The following DYNC1LI1 variants were observed in gnomAD, a reference collection of about 807,000 sequenced individuals.
DYNC1LI1 encodes the protein cytoplasmic dynein 1 light intermediate chain 1.
DYNC1LI1 carries 19 observed loss-of-function variants against 63.8 expected under a neutral mutation model. The observed-to-expected ratio is 0.30, with a 90% CI of 0.21 to 0.44. The LOEUF (loss-of-function observed/expected upper bound fraction) is 0.44. Among genes scored for constraint, DYNC1LI1 ranks in the 20% least tolerant of loss-of-function variants. The pLI is 1.00. For missense variants in DYNC1LI1, 565 were observed against 630.2 expected (o/e 0.90, Z 1.11); for synonymous variants, 225 against 232.3 (o/e 0.97, Z 0.28).
At chr3:32,537,983 ATATATATATAT>A (rs1697811746) in intron 5 of DYNC1LI1, among the ~76,000 whole-genome samples, 1 of 23,428 alleles carries the variant, frequency 4.3e-5, no homozygotes, top group African/African-American at 2.8e-4. Context: ...TTTATATATA[ATATATATATAT>A]AATTTATATA....
At chr3:32,562,108 T>C (rs1698202537) in intron 2 of DYNC1LI1, among the ~76,000 whole-genome samples, 1 of 151,788 alleles carries the variant, frequency 6.6e-6, no homozygotes, top group Admixed American at 6.6e-5. Context: ...CTCCCATCTC[T>C]CCAAAAAATA....
intron 2 of DYNC1LI1, 57 bp downstream of exon 2, chr3:32,570,289 C>T: frequency 5.0e-6 from 7 of 1,412,514 alleles, no homozygotes; most frequent in South Asian, 2.5e-5. Flanking sequence ...GCCCGCGGAC[C>T]AGGTACCCCG....
chr3:32,532,487 G>GTGTGTGTGTGTATATATATATATATA (rs369421174), intron 8 of DYNC1LI1: 43 of 125,366 alleles, frequency 3.4e-4, no homozygotes, highest in African/African-American at 1.2e-3. Context: ...AAAAATGTGT[G>GTGTGTGTGTGTATATATATATATATA]TATATATATA....
At chr3:32,546,844 A>AG (rs1697961546) in intron 2 of DYNC1LI1, among the ~76,000 whole-genome samples, 1 of 152,184 alleles carries the variant, frequency 6.6e-6, no homozygotes, top group Admixed American at 6.6e-5. Flanking sequence ...GAAAAAGTGT[A>AG]GGGGGGATGT....
At chr3:32,550,464 T>C (rs1698019960) in intron 2 of DYNC1LI1, among the ~76,000 whole-genome samples, 1 of 152,030 alleles carries the variant, frequency 6.6e-6, no homozygotes, top group South Asian at 2.1e-4. Flanking sequence ...AAACTGTCAA[T>C]CTAACTATAT....
chr3:32,530,599 T>G, intron 8 of DYNC1LI1, 79 bp from the exon 9 acceptor site: 1 of 1,280,390 alleles, frequency 7.8e-7, no homozygotes, highest in South Asian at 1.2e-5. Flanking sequence ...TAGATTGGAC[T>G]AATTAAAAAA....
At chr3:32,570,148 A>C in intron 2 of DYNC1LI1, 198 bp downstream of exon 2, 1 of 694,026 alleles carries the variant, frequency 1.4e-6, no homozygotes, top group Non-Finnish European at 2.6e-6. Context: ...AACCTGAGGG[A>C]GGGCGGGTCC....
chr3:32,570,600 G>C, intron 1 of DYNC1LI1, 25 bp downstream of exon 1: 2 of 1,552,104 alleles, frequency 1.3e-6, no homozygotes, highest in South Asian at 2.4e-5. Flanking sequence ...GCCAGCGGGG[G>C]CTGAGGGAGA....
chr3:32,567,724 G>A (rs545277656), intron 2 of DYNC1LI1, among the ~76,000 whole-genome samples: 1 of 132,412 alleles, frequency 7.6e-6, no homozygotes, highest in Admixed American at 7.8e-5. Flanking sequence ...TTTTTTTTGA[G>A]ACAGAGTCTC....
At chr3:32,543,555 T>G (rs1697911270) in intron 4 of DYNC1LI1, among the ~76,000 whole-genome samples, 1 of 150,448 alleles carries the variant, frequency 6.6e-6, no homozygotes, top group Admixed American at 6.6e-5. Flanking sequence ...CCCGCCACCA[T>G]GCTGGGCTAA....
At chr3:32,528,702 T>C in intron 11 of DYNC1LI1, 101 bp from the exon 12 acceptor site, 4 of 1,163,172 alleles carry the variant, frequency 3.4e-6, no homozygotes, top group Non-Finnish European at 4.6e-6. Context: ...TAAACTTAAA[T>C]TTTAAGAGTT....
intron 2 of DYNC1LI1, among the ~76,000 whole-genome samples, chr3:32,550,707 A>G (rs1698025430): frequency 6.6e-6 from 1 of 152,240 alleles, no homozygotes; most frequent in Non-Finnish European, 1.5e-5. Flanking sequence ...GAAGTTTGTT[A>G]AAACACAGAT....
chr3:32,551,121 GA>G (rs1305124335), intron 2 of DYNC1LI1, among the ~76,000 whole-genome samples: 2 of 152,054 alleles, frequency 1.3e-5, no homozygotes, highest in African/African-American at 4.8e-5. Flanking sequence ...ATTGGAAGGG[GA>G]TAACAAATAC....
At chr3:32,570,221 GGAGGC>G in intron 2 of DYNC1LI1, 120 bp downstream of exon 2, 1 of 823,326 alleles carries the variant, frequency 1.2e-6, no homozygotes, top group African/African-American at 1.7e-5. Flanking sequence ...CGACAGGTCG[GGAGGC>G]GAGGCGGGGC....
intron 12 of DYNC1LI1, among the ~76,000 whole-genome samples, chr3:32,527,311 T>A (rs1420410186): frequency 6.6e-6 from 1 of 151,968 alleles, no homozygotes; most frequent in Non-Finnish European, 1.5e-5. Context: ...ATAAAAATAA[T>A]ATAAATTTCA....
chr3:32,570,798 C>T lies in DYNC1LI1; in HGVS notation c.-28G>A, dbSNP rs754911170. The T allele has an allele frequency of 1.3e-6, 2 of 1,592,222 alleles. No homozygotes were observed. The highest frequency in any genetic ancestry group is 8.6e-7 in the Non-Finnish European group (1 of 1,168,240). On this transcript the variant is annotated 5_prime_UTR_variant, in exon 1 of 13. Coordinates refer to ENST00000273130, the MANE Select transcript of DYNC1LI1 (RefSeq NM_016141.4). Reference sequence around the variant, plus strand: ...TGGTCGGGAATCACACCACTCCCGGCAAGACTAAATGTGCGAGGCGGCTGA... The same window carrying T: ...TGGTCGGGAATCACACCACTCCCGGTAAGACTAAATGTGCGAGGCGGCTGA...
chr3:32,557,551 A>T (rs950917408), intron 2 of DYNC1LI1, among the ~76,000 whole-genome samples: 1 of 151,916 alleles, frequency 6.6e-6, no homozygotes, highest in East Asian at 1.9e-4. Context: ...AAAATAAAAT[A>T]AAAAAATAAA....
intron 12 of DYNC1LI1, among the ~76,000 whole-genome samples, 187 bp downstream of exon 12, chr3:32,528,259 G>A (rs1458905236): frequency 2.0e-5 from 3 of 151,782 alleles, no homozygotes; most frequent in Non-Finnish European, 4.4e-5. Flanking sequence ...ATCCACAGAG[G>A]AAAGAGAGAA....
intron 4 of DYNC1LI1, among the ~76,000 whole-genome samples, chr3:32,542,290 T>C (rs1221729811): frequency 1.3e-5 from 2 of 152,036 alleles, no homozygotes; most frequent in East Asian, 1.9e-4. Flanking sequence ...TTTGTAGAGA[T>C]GGGGTCTCAC....
Sources: gnomAD v4.1 joint callset for allele counts (sites outside exome capture counted in the v4.1 genomes callset) on GRCh38, gnomAD v4.1.1 for gene constraint, MANE v1.5 for transcripts, NCBI Gene and HGNC (gene_info 2026-07-23, HGNC 2026-07-21) for gene names.